ADCK1: variants seen among roughly 807,000 people sequenced by gnomAD.
The protein encoded by ADCK1 is aarF domain containing kinase 1, also known as aarF domain-containing protein kinase 1.
ADCK1 carries 41 observed loss-of-function variants against 52.3 expected under a neutral mutation model. The observed-to-expected ratio is 0.78, with a 90% CI of 0.61 to 1.02. ADCK1 has a LOEUF of 1.02. Among genes scored for constraint, ADCK1 ranks in the 50% least tolerant of loss-of-function variants. The pLI, the probability that ADCK1 is intolerant of heterozygous loss-of-function variation, is 0.00. For synonymous variants in ADCK1, 250 were observed against 274.6 expected (o/e 0.91, Z 0.89); for missense variants, 658 against 679.5 (o/e 0.97, Z 0.35).
At chr14:77,907,014 G>C (rs2083681147) in intron 6 of ADCK1, among the ~76,000 whole-genome samples, 1 of 152,112 alleles carries the variant, frequency 6.6e-6, no homozygotes, top group African/African-American at 2.4e-5. Flanking sequence ...CACTGGCTTT[G>C]ACAGCGATCC....
At chr14:77,840,757 A>G (rs1034706794) in intron 3 of ADCK1, among the ~76,000 whole-genome samples, 1 of 152,000 alleles carries the variant, frequency 6.6e-6, no homozygotes, top group Non-Finnish European at 1.5e-5. Flanking sequence ...CTGAAGCACG[A>G]GAATAGCTTG....
chr14:77,894,632 A>G (rs936769452), intron 5 of ADCK1, among the ~76,000 whole-genome samples: 3 of 151,950 alleles, frequency 2.0e-5, no homozygotes, highest in African/African-American at 4.8e-5. Flanking sequence ...TGTTCGTAGC[A>G]CAGTGCCTGG....
At chr14:77,817,330 C>T (rs922735592) in intron 1 of ADCK1, among the ~76,000 whole-genome samples, 3 of 152,194 alleles carry the variant, frequency 2.0e-5, no homozygotes, top group African/African-American at 7.2e-5. Context: ...GTGACAGGCA[C>T]AGACTCATTC....
At position 77,900,204 on chromosome 14, in the gene ADCK1, A is replaced by C. The variant is rs372845800; in HGVS notation, c.741+946A>C. ...AGAAATACATAAGACCACAATACAC[A>C]TGGCACTTTACCTTGAGCCTGCTGT... On this transcript the variant is annotated intron_variant, in intron 6 of 10. Coordinates refer to ENST00000238561, the MANE Select transcript of ADCK1 (RefSeq NM_020421.4). Among the ~76,000 whole-genome samples the C allele has an allele frequency of 5.6e-4, 85 of 152,310 alleles. 2 individuals are homozygous for C. In the South Asian group the frequency reaches 0.017, roughly 30 times the overall value.
intron 3 of ADCK1, among the ~76,000 whole-genome samples, chr14:77,856,689 A>G (rs964110562): frequency 5.3e-5 from 8 of 152,122 alleles, no homozygotes; most frequent in South Asian, 4.1e-4. Context: ...CAAACCCCAA[A>G]CCAAGCTGGC....
intron 5 of ADCK1, among the ~76,000 whole-genome samples, chr14:77,893,993 A>G (rs572316252): frequency 6.6e-6 from 1 of 152,278 alleles, no homozygotes; most frequent in East Asian, 1.9e-4. Flanking sequence ...TCGGCCTCCC[A>G]AAGTGCTGGG....
intron 4 of ADCK1, among the ~76,000 whole-genome samples, chr14:77,874,935 C>T (rs975097959): frequency 8.6e-5 from 13 of 152,028 alleles, no homozygotes; most frequent in South Asian, 2.1e-4. Context: ...ACAATGAGAA[C>T]GAGAATGCAG....
At chr14:77,908,297 C>T (rs922639518) in intron 7 of ADCK1, 1 of 167,326 alleles carries the variant, frequency 6.0e-6, no homozygotes, top group African/African-American at 2.4e-5. Flanking sequence ...CTCTCCTTCC[C>T]ACTTCCCAGA....
chr14:77,929,234 G>C (rs774643191), intron 9 of ADCK1, among the ~76,000 whole-genome samples: 14 of 152,164 alleles, frequency 9.2e-5, no homozygotes, highest in Non-Finnish European at 1.8e-4. Context: ...ACTAACCGTG[G>C]CTTAAACATA....
At chr14:77,915,154 C>G (rs1375552923) in intron 7 of ADCK1, among the ~76,000 whole-genome samples, 1 of 151,954 alleles carries the variant, frequency 6.6e-6, no homozygotes, top group Non-Finnish European at 1.5e-5. Flanking sequence ...CTTCCATTGT[C>G]CATCCCTTCA....
chr14:77,836,298 TAA>T (rs2081958527), intron 3 of ADCK1, among the ~76,000 whole-genome samples: 1 of 152,234 alleles, frequency 6.6e-6, no homozygotes, highest in Non-Finnish European at 1.5e-5. Flanking sequence ...GTTTTGTTTT[TAA>T]AAAGTGATCC....
intron 6 of ADCK1, among the ~76,000 whole-genome samples, chr14:77,900,871 T>C (rs1015789235): frequency 2.0e-5 from 3 of 152,234 alleles, no homozygotes; most frequent in African/African-American, 7.2e-5. Context: ...AACTGTTCTA[T>C]GTAATAAGAG....
chr14:77,873,250 G>A (rs2082825166), intron 4 of ADCK1, among the ~76,000 whole-genome samples: 1 of 152,204 alleles, frequency 6.6e-6, no homozygotes, highest in African/African-American at 2.4e-5. Context: ...TGTTTAATCT[G>A]GAAAGGGCTA....
chr14:77,926,840 T>C (rs1214128938), intron 9 of ADCK1, among the ~76,000 whole-genome samples: 3 of 152,124 alleles, frequency 2.0e-5, no homozygotes, highest in African/African-American at 7.2e-5. Flanking sequence ...CAGAAGCTTA[T>C]GGGGGCGAGC....
At chr14:77,887,436 A>C (rs908338150) in intron 5 of ADCK1, among the ~76,000 whole-genome samples, 187 bp downstream of exon 5, 3 of 152,120 alleles carry the variant, frequency 2.0e-5, no homozygotes, top group Non-Finnish European at 4.4e-5. Flanking sequence ...ACCCTGTGGC[A>C]GCATGGGTTA....
intron 5 of ADCK1, among the ~76,000 whole-genome samples, chr14:77,892,463 C>G (rs530173724): frequency 1.3e-5 from 2 of 152,220 alleles, no homozygotes; most frequent in South Asian, 2.1e-4. Flanking sequence ...GTCAGCTGTT[C>G]CAAGGCTGAC....
chr14:77,817,197 G>A (rs921132223), intron 1 of ADCK1, among the ~76,000 whole-genome samples: 2 of 152,208 alleles, frequency 1.3e-5, no homozygotes, highest in African/African-American at 4.8e-5. Flanking sequence ...AGCCGAGATC[G>A]CGGCACTGCA....
chr14:77,895,000 G>A (rs966021437), intron 5 of ADCK1, among the ~76,000 whole-genome samples: 4 of 152,182 alleles, frequency 2.6e-5, no homozygotes, highest in South Asian at 2.1e-4. Context: ...TGATCTGTCC[G>A]TCTTGGCCTC....
chr14:77,820,743 C>CAT (rs1332039802), intron 2 of ADCK1, among the ~76,000 whole-genome samples: 37 of 149,500 alleles, frequency 2.5e-4, no homozygotes, highest in African/African-American at 7.1e-4. Flanking sequence ...CATCCAAATC[C>CAT]ATATATATAT....
Sources: gnomAD v4.1 joint callset for allele counts (sites outside exome capture counted in the v4.1 genomes callset) on GRCh38, gnomAD v4.1.1 for gene constraint, MANE v1.5 for transcripts, NCBI Gene and HGNC (gene_info 2026-07-23, HGNC 2026-07-21) for gene names.